CAMK2D: variants seen among roughly 807,000 people sequenced by gnomAD.
CAMK2D encodes calcium/calmodulin dependent protein kinase II delta.
A neutral mutation model predicts 84.0 loss-of-function variants in CAMK2D; 37 were observed. The observed-to-expected ratio is 0.44, with a 90% CI of 0.34 to 0.58. The LOEUF (loss-of-function observed/expected upper bound fraction) is 0.58, where lower values mean the gene tolerates loss of function less well. Among genes scored for constraint, CAMK2D ranks in the 20% least tolerant of loss-of-function variants. CAMK2D has a pLI of 0.02. For synonymous variants in CAMK2D, 202 were observed against 212.5 expected, an observed-to-expected ratio of 0.95 and a Z score of 0.43; for missense variants, 448 against 652.5, an observed-to-expected ratio of 0.69 and a Z score of 3.41.
intron 5 of CAMK2D, among the ~76,000 whole-genome samples, chr4:113,551,020 T>C (rs2098624072): frequency 6.6e-6 from 1 of 152,140 alleles, no homozygotes; most frequent in Admixed American, 6.5e-5. Flanking sequence ...CAGGCTACAA[T>C]GGGATTAGCA....
At chr4:113,687,515 T>C (rs2099363366) in intron 2 of CAMK2D, among the ~76,000 whole-genome samples, 1 of 152,180 alleles carries the variant, frequency 6.6e-6, no homozygotes, top group Non-Finnish European at 1.5e-5. Context: ...GTGACTGACA[T>C]GGACCAATGG....
At chr4:113,476,729 T>C (rs1564496855) in intron 16 of CAMK2D, among the ~76,000 whole-genome samples, 1 of 152,210 alleles carries the variant, frequency 6.6e-6, no homozygotes, top group Admixed American at 6.5e-5. Context: ...TCACAAGATA[T>C]ATAACTTCTT....
intron 4 of CAMK2D, among the ~76,000 whole-genome samples, chr4:113,573,077 AAAT>A (rs1191445528): frequency 1.3e-5 from 2 of 152,202 alleles, no homozygotes; most frequent in African/African-American, 4.8e-5. Context: ...CGGAGAAGAA[AAAT>A]AACTATTGAG....
intron 8 of CAMK2D, among the ~76,000 whole-genome samples, chr4:113,526,467 C>A (rs190717055): frequency 1.3e-5 from 2 of 148,350 alleles, no homozygotes; most frequent in South Asian, 4.2e-4. Flanking sequence ...CACATGTGTA[C>A]GTAGTATCTA....
intron 8 of CAMK2D, among the ~76,000 whole-genome samples, chr4:113,523,310 T>C (rs1166703237): frequency 4.6e-5 from 7 of 152,170 alleles, no homozygotes; most frequent in Non-Finnish European, 8.8e-5. Flanking sequence ...TGTGGTAGTA[T>C]TGCTTAGCTT....
chr4:113,715,264 G>A (rs1279747658), intron 2 of CAMK2D, among the ~76,000 whole-genome samples: 1 of 152,004 alleles, frequency 6.6e-6, no homozygotes, highest in African/African-American at 2.4e-5. Context: ...TGCAAATATT[G>A]AGAATTTGTT....
intron 3 of CAMK2D, among the ~76,000 whole-genome samples, chr4:113,646,594 C>T (rs1235635706): frequency 6.6e-6 from 1 of 152,174 alleles, no homozygotes; most frequent in Non-Finnish European, 1.5e-5. Flanking sequence ...GAAAGAACTC[C>T]AGGCAAAGGC....
chr4:113,520,305 G>A (rs573766154), intron 8 of CAMK2D, among the ~76,000 whole-genome samples: 1 of 152,216 alleles, frequency 6.6e-6, no homozygotes, highest in Non-Finnish European at 1.5e-5. Context: ...CTACTCGGGA[G>A]GCTGAGGCAG....
intron 4 of CAMK2D, among the ~76,000 whole-genome samples, chr4:113,554,602 G>A (rs1487145486): frequency 1.3e-5 from 2 of 151,962 alleles, no homozygotes; most frequent in African/African-American, 4.8e-5. Flanking sequence ...TCTTCTATAT[G>A]TATGATAAAT....
At chr4:113,728,694 A>G (rs930280637) in intron 2 of CAMK2D, among the ~76,000 whole-genome samples, 2 of 152,180 alleles carry the variant, frequency 1.3e-5, no homozygotes, top group African/African-American at 2.4e-5. Context: ...ATTGTGATGC[A>G]TAATTTTTTA....
intron 16 of CAMK2D, among the ~76,000 whole-genome samples, chr4:113,492,304 C>G (rs1210537251): frequency 6.6e-6 from 1 of 152,150 alleles, no homozygotes; most frequent in East Asian, 1.9e-4. Flanking sequence ...CCTCTACACA[C>G]TGCTTTGAAT....
chr4:113,585,361 C>T (rs911185538), intron 4 of CAMK2D, among the ~76,000 whole-genome samples: 2 of 152,082 alleles, frequency 1.3e-5, no homozygotes. Context: ...CACTCGTTGT[C>T]CTTCCCCAGC....
rs553360025 is a variant in CAMK2D at position 113,690,459 on chromosome 4, C to T, written c.161-28687G>A. Among the ~76,000 whole-genome samples, 13 of 152,260 alleles carry T rather than the reference C, an allele frequency of 8.5e-5. 1 individual carries two copies. The South Asian group carries it at 2.7e-3, about 32-fold the overall frequency. On this transcript the variant is annotated intron_variant, in intron 2 of 20. Coordinates refer to ENST00000511664, the MANE Select transcript of CAMK2D (RefSeq NM_001321571.2). ...TTGTGGGCACAAAGGTCCCCCTGAGCAGATGTGTTCCTACACTGATCTTTA... is the reference window on the plus strand; with the variant it reads ...TTGTGGGCACAAAGGTCCCCCTGAGTAGATGTGTTCCTACACTGATCTTTA...
At position 113,741,222 on chromosome 4, in the gene CAMK2D, G is replaced by C. The variant is rs187852013; in HGVS notation, c.160+18098C>G. 2.2e-4 allele frequency among the ~76,000 whole-genome samples: 34 copies of C among 152,226 alleles called. 1 individual carries two copies. Among genetic ancestry groups the C allele is most frequent in the Middle Eastern group, 3.4e-3 (1 of 294 alleles). ...GCAAAGGAAACTGTGCTTCCTTTAA[G>C]TGCAAAGGTGAAAGTTCTCCCCTTA... On this transcript the variant is annotated intron_variant, in intron 2 of 20. Transcript: ENST00000511664.
chr4:113,519,582 T>C (rs1242569591), intron 8 of CAMK2D, among the ~76,000 whole-genome samples: 1 of 151,902 alleles, frequency 6.6e-6, no homozygotes, highest in Non-Finnish European at 1.5e-5. Flanking sequence ...AGTGCCTATT[T>C]AAATAAACAC....
intron 2 of CAMK2D, among the ~76,000 whole-genome samples, chr4:113,709,746 G>GATATATACATATAT (rs1298341709): frequency 8.0e-5 from 4 of 49,822 alleles, no homozygotes; most frequent in African/African-American, 4.5e-4. Context: ...AGCCGTGAAC[G>GATATATACATATAT]ATATATATAT....
chr4:113,531,298 A>T lies in CAMK2D; in HGVS notation c.519T>A (p.Gly173=), dbSNP rs535940848. The T allele has an allele frequency of 6.4e-7, 1 of 1,557,086 alleles. No homozygotes were observed. Among genetic ancestry groups the T allele is most frequent in the South Asian group, 1.1e-5 (1 of 89,850 alleles). ...AAAGATATCCAGGTGTGCCAGCAAA[A>T]CCTAGGGAAAAGAGATGTTAATGAG... ...EVQGDQQAWF[G]FAGTPGYLSP... The change falls in exon 8 of 21, where the codon GGT becomes GGA. Residue 173 remains glycine, a splice_region_variant and synonymous_variant. Coordinates refer to ENST00000511664, the MANE Select transcript of CAMK2D (RefSeq NM_001321571.2).
At chr4:113,607,309 T>C (rs561999568) in intron 4 of CAMK2D, among the ~76,000 whole-genome samples, 2 of 152,238 alleles carry the variant, frequency 1.3e-5, no homozygotes, top group Admixed American at 1.3e-4. Flanking sequence ...ACTGGGACTG[T>C]GGAGAGGAGC....
chr4:113,505,547 G>T (rs1347876224), intron 13 of CAMK2D, among the ~76,000 whole-genome samples: 1 of 152,084 alleles, frequency 6.6e-6, no homozygotes, highest in Non-Finnish European at 1.5e-5. Flanking sequence ...GAAAACGCTG[G>T]TGTCACAATA....
Sources: gnomAD v4.1 joint callset for allele counts (sites outside exome capture counted in the v4.1 genomes callset) on GRCh38, gnomAD v4.1.1 for gene constraint, MANE v1.5 for transcripts, NCBI Gene and HGNC (gene_info 2026-07-23, HGNC 2026-07-21) for gene names.